COL5A2: variants seen among roughly 807,000 people sequenced by gnomAD.
The protein encoded by COL5A2 is collagen alpha-2(V) chain.
COL5A2 carries 23 observed loss-of-function variants against 208.2 expected under a neutral mutation model. The observed-to-expected ratio is 0.11, with a 90% CI of 0.08 to 0.16. COL5A2 has a LOEUF of 0.16. COL5A2 is among the 10% of genes least tolerant of loss of function. The pLI, the probability that COL5A2 is intolerant of heterozygous loss-of-function variation, is 1.00. For synonymous variants in COL5A2, 625 were observed against 628.5 expected, an observed-to-expected ratio of 0.99 and a Z score of 0.08; for missense variants, 1,590 against 1,956.4, an observed-to-expected ratio of 0.81 and a Z score of 3.53.
chr2:189,344,074 T>G, the COL5A2 span, among the ~76,000 whole-genome samples: 2 of 152,178 alleles, frequency 1.3e-5, no homozygotes, highest in African/African-American at 4.8e-5. Context: ...ACACAACATA[T>G]AACATAATAA....
At chr2:189,339,089 A>C in the COL5A2 span, among the ~76,000 whole-genome samples, 15 of 152,156 alleles carry the variant, frequency 9.9e-5, no homozygotes, top group African/African-American at 3.6e-4. Flanking sequence ...AGTGGCTCAC[A>C]CCTATAATCT....
chr2:189,322,537 T>A, the COL5A2 span, among the ~76,000 whole-genome samples: 1 of 152,150 alleles, frequency 6.6e-6, no homozygotes, highest in East Asian at 1.9e-4. Context: ...CATCACAGAA[T>A]ACTATAAACA....
chr2:189,045,643 G>A (rs1685650165), intron 46 of COL5A2, among the ~76,000 whole-genome samples, 157 bp downstream of exon 46: 1 of 152,190 alleles, frequency 6.6e-6, no homozygotes, highest in African/African-American at 2.4e-5. Flanking sequence ...TTCAGACTAA[G>A]AAACATATAG....
the COL5A2 span, among the ~76,000 whole-genome samples, chr2:189,303,494 A>T: frequency 6.6e-6 from 1 of 152,278 alleles, no homozygotes; most frequent in Admixed American, 6.5e-5. Context: ...AGCTGGGAAC[A>T]TGACTAATAT....
At position 189,175,860 on chromosome 2, in the gene COL5A2, C is replaced by A. The variant is rs139695805; in HGVS notation, c.97+3648G>T. On this transcript the variant is annotated intron_variant, in intron 1 of 53. Transcript: ENST00000374866. ...GAGCCACTGCGCCTGGCCAGAAAAC[C>A]TTTTTTTGTTTGTTTAAACTACTGT... 6.1e-3 allele frequency among the ~76,000 whole-genome samples: 931 copies of A among 152,150 alleles called. 13 individuals carry two copies. Among genetic ancestry groups the A allele is most frequent in the African/African-American group, 0.02 (821 of 41,512 alleles).
the COL5A2 span, among the ~76,000 whole-genome samples, chr2:189,303,531 A>G: frequency 2.0e-5 from 3 of 152,322 alleles, no homozygotes; most frequent in South Asian, 6.2e-4. Context: ...TCCTGCTTAA[A>G]TAAGTGTTAA....
intron 1 of COL5A2, among the ~76,000 whole-genome samples, chr2:189,185,025 C>A (rs558075822): frequency 6.6e-6 from 1 of 151,844 alleles, no homozygotes; most frequent in African/African-American, 2.4e-5. Context: ...CTCTAATATG[C>A]TACTTTTTTT....
At chr2:189,130,112 A>G (rs1234195295) in intron 1 of COL5A2, among the ~76,000 whole-genome samples, 1 of 152,058 alleles carries the variant, frequency 6.6e-6, no homozygotes, top group Non-Finnish European at 1.5e-5. Flanking sequence ...AGGGCAACGG[A>G]CAAACACATT....
At chr2:189,357,724 G>A in the COL5A2 span, among the ~76,000 whole-genome samples, 2 of 144,152 alleles carry the variant, frequency 1.4e-5, no homozygotes, top group South Asian at 2.3e-4. Context: ...GGGAGTGAAC[G>A]GTTCTGTCTC....
chr2:189,276,197 C>T, the COL5A2 span, among the ~76,000 whole-genome samples: 5 of 152,210 alleles, frequency 3.3e-5, no homozygotes, highest in African/African-American at 1.2e-4. Context: ...CTGTCTCACA[C>T]ACACTACACA....
chr2:189,343,647 CT>C, the COL5A2 span, among the ~76,000 whole-genome samples: 22 of 152,242 alleles, frequency 1.4e-4, no homozygotes, highest in Admixed American at 1.4e-3. Flanking sequence ...TTAGACAAAG[CT>C]AGTGGTTAGC....
chr2:189,392,578 C>T, the COL5A2 span, among the ~76,000 whole-genome samples: 1 of 152,124 alleles, frequency 6.6e-6, no homozygotes, highest in African/African-American at 2.4e-5. Context: ...AATCATCTTA[C>T]TTTATCACCA....
intron 52 of COL5A2, 112 bp downstream of exon 52, chr2:189,036,504 C>A: frequency 1.2e-6 from 1 of 834,840 alleles, no homozygotes; most frequent in Non-Finnish European, 1.9e-6. Flanking sequence ...TCAAAATAAA[C>A]ATGGTAAAAT....
At chr2:189,318,517 T>A in the COL5A2 span, among the ~76,000 whole-genome samples, 66 of 152,232 alleles carry the variant, frequency 4.3e-4, no homozygotes, top group African/African-American at 1.5e-3. Flanking sequence ...AAGATAGTAG[T>A]CCCCTCAACA....
the COL5A2 span, among the ~76,000 whole-genome samples, chr2:189,293,711 A>G: frequency 6.6e-6 from 1 of 152,214 alleles, no homozygotes; most frequent in Non-Finnish European, 1.5e-5. Flanking sequence ...GCCAGTCCTC[A>G]CCAGACACTG....
chr2:189,099,524 C>T (rs760893414), intron 4 of COL5A2, among the ~76,000 whole-genome samples: 6 of 152,080 alleles, frequency 3.9e-5, no homozygotes, highest in Non-Finnish European at 8.8e-5. Context: ...GCTCGGGAGG[C>T]TGAGGCACAA....
At chr2:189,059,585 G>GTTTT (rs71020980) in intron 31 of COL5A2, among the ~76,000 whole-genome samples, 581 of 28,618 alleles carry the variant, frequency 0.02, 159 homozygotes, top group East Asian at 0.037. Flanking sequence ...TTCTTTTCTG[G>GTTTT]TTTTTTTTTT....
At chr2:189,380,593 A>G in the COL5A2 span, among the ~76,000 whole-genome samples, 1 of 151,938 alleles carries the variant, frequency 6.6e-6, no homozygotes. Flanking sequence ...ATATAGTTAT[A>G]ATTTATACAT....
intron 1 of COL5A2, among the ~76,000 whole-genome samples, chr2:189,152,329 C>A (rs912273512): frequency 2.6e-5 from 4 of 152,184 alleles, no homozygotes; most frequent in African/African-American, 9.6e-5. Context: ...GCCTTCCGGG[C>A]TACAAGTTAT....
Sources: allele counts gnomAD v4.1 joint callset (sites outside exome capture counted in the v4.1 genomes callset), GRCh38; gene constraint gnomAD v4.1.1; transcripts MANE v1.5; gene names NCBI Gene and HGNC (gene_info 2026-07-23, HGNC 2026-07-21).